PDE3A: variants seen among roughly 807,000 people sequenced by gnomAD.
The protein encoded by PDE3A is phosphodiesterase 3A.
A neutral mutation model predicts 98.3 loss-of-function variants in PDE3A; 43 were observed. That is an observed-to-expected ratio of 0.44 (90% confidence interval 0.34 to 0.56). The LOEUF is 0.56. Ranked by LOEUF, PDE3A falls within the 20% of genes least tolerant of loss-of-function variation. The pLI is 0.01. For missense variants in PDE3A, 1,427 were observed against 1,440.7 expected (o/e 0.99, Z 0.15); for synonymous variants, 663 against 567.9 (o/e 1.17, Z -2.38).
At position 20,526,884 on chromosome 12, in the gene PDE3A, CTGTGTGTGTGTGTGTGTGTG is replaced by C. The variant is rs71039949; in HGVS notation, c.961-29746_961-29727del. Among the ~76,000 whole-genome samples, 12 of 136,930 alleles carry C rather than the reference CTGTGTGTGTGTGTGTGTGTG, an allele frequency of 8.8e-5. 1 individual carries two copies. The highest frequency in any genetic ancestry group is 2.6e-4 in the South Asian group (1 of 3,898). The allele number at this position is 136,930 out of a possible 152,430, so 89.8% of individuals were successfully genotyped here. On this transcript the variant is annotated intron_variant, in intron 1 of 15. Transcript: ENST00000359062. ...TAAGGCCATTAGGAGACATTTTTTT[CTGTGTGTGTGTGTGTGTGTG>C]TGTGTGTGTGTGTGTGTGTGTGTGT...
At chr12:20,488,265 G>A (rs1945766219) in intron 1 of PDE3A, among the ~76,000 whole-genome samples, 1 of 151,992 alleles carries the variant, frequency 6.6e-6, no homozygotes, top group African/African-American at 2.4e-5. Flanking sequence ...CCTGATTGTG[G>A]AGTTTGGGGT....
At chr12:20,667,114 A>G (rs571445767) in intron 15 of PDE3A, among the ~76,000 whole-genome samples, 15 of 152,138 alleles carry the variant, frequency 9.9e-5, no homozygotes, top group Admixed American at 2.6e-4. Flanking sequence ...CCACTTTTTA[A>G]TAGAATTTTT....
intron 2 of PDE3A, among the ~76,000 whole-genome samples, chr12:20,612,531 C>G (rs986899893): frequency 7.0e-6 from 1 of 143,272 alleles, no homozygotes; most frequent in African/African-American, 2.6e-5. Context: ...ATAAAATAGT[C>G]CCTCATATTT....
At chr12:20,538,152 C>G (rs1329657485) in intron 1 of PDE3A, among the ~76,000 whole-genome samples, 1 of 152,064 alleles carries the variant, frequency 6.6e-6, no homozygotes, top group Non-Finnish European at 1.5e-5. Flanking sequence ...TTGCTGCCTA[C>G]CATTATTGCT....
intron 2 of PDE3A, among the ~76,000 whole-genome samples, chr12:20,568,141 C>T (rs1942707141): frequency 6.6e-6 from 1 of 151,888 alleles, no homozygotes; most frequent in Admixed American, 6.6e-5. Context: ...TAGAATTCAT[C>T]TAGTTTCTGT....
At chr12:20,404,871 C>A (rs1218019585) in intron 1 of PDE3A, among the ~76,000 whole-genome samples, 1 of 104,680 alleles carries the variant, frequency 9.6e-6, no homozygotes, top group Non-Finnish European at 1.8e-5. Flanking sequence ...GCATGTAAAT[C>A]CTTTCTTCAA....
At chr12:20,647,330 A>G (rs1160830729) in intron 12 of PDE3A, among the ~76,000 whole-genome samples, 1 of 152,190 alleles carries the variant, frequency 6.6e-6, no homozygotes, top group East Asian at 1.9e-4. Context: ...TATAAATACC[A>G]TTCCTTTGAA....
intron 1 of PDE3A, among the ~76,000 whole-genome samples, chr12:20,403,037 C>G (rs1363260879): frequency 6.6e-6 from 1 of 152,140 alleles, no homozygotes; most frequent in Non-Finnish European, 1.5e-5. Context: ...TCTCATTTTT[C>G]TTTCTCCTTA....
intron 1 of PDE3A, among the ~76,000 whole-genome samples, chr12:20,549,321 A>G (rs1056046563): frequency 2.0e-5 from 3 of 151,332 alleles, no homozygotes; most frequent in Admixed American, 6.6e-5. Flanking sequence ...TCTAGTGGCC[A>G]GAATGCTGTA....
intron 1 of PDE3A, among the ~76,000 whole-genome samples, chr12:20,536,707 G>C (rs1375072917): frequency 1.3e-5 from 2 of 152,212 alleles, no homozygotes; most frequent in East Asian, 3.9e-4. Flanking sequence ...GGTGAAGTAT[G>C]TATCAGTACT....
intron 1 of PDE3A, among the ~76,000 whole-genome samples, chr12:20,385,878 T>C (rs1291867971): frequency 1.4e-5 from 2 of 146,194 alleles, no homozygotes; most frequent in African/African-American, 5.1e-5. Flanking sequence ...ACATGGCACA[T>C]GTATACATAT....
Position 20,648,690 on chromosome 12 carries a change from G to T in PDE3A, c.2568G>T (p.Ala856=), listed in dbSNP as rs79204780. 3.8e-6 allele frequency: 6 copies of T among 1,596,350 alleles called. No homozygotes were observed. Among genetic ancestry groups the T allele is most frequent in the Non-Finnish European group, 5.2e-6 (6 of 1,164,164 alleles). The change falls in exon 13 of 16, where the codon GCG becomes GCT. Residue 856 remains alanine, a splice_region_variant and synonymous_variant. Coordinates refer to ENST00000359062, the MANE Select transcript of PDE3A (RefSeq NM_000921.5). The part of the protein sequence containing the change: ...AFLVATSAPQ[A]VLYNDRSVLE... The stretch of plus-strand genomic sequence containing the variant: ...TCTTAACTGTCTTATTTGCCTAGGC[G>T]GTGCTATATAACGATCGTTCAGTTT...
At chr12:20,566,793 A>T (rs1565591133) in intron 2 of PDE3A, among the ~76,000 whole-genome samples, 1 of 150,716 alleles carries the variant, frequency 6.6e-6, no homozygotes, top group African/African-American at 2.4e-5. Flanking sequence ...CGTGCAGTGA[A>T]TTTTTTTTTT....
chr12:20,557,169 G>A (rs1314900274), intron 2 of PDE3A: 1 of 159,352 alleles, frequency 6.3e-6, no homozygotes, highest in African/African-American at 2.4e-5. Context: ...AAAGATGAAA[G>A]GACCTATTAT....
chr12:20,541,564 G>T (rs1048010637), intron 1 of PDE3A, among the ~76,000 whole-genome samples: 11 of 151,928 alleles, frequency 7.2e-5, no homozygotes, highest in Admixed American at 2.0e-4. Context: ...CAATTCTAAC[G>T]ACCTCAGTTA....
chr12:20,591,161 C>G (rs1311167061), intron 2 of PDE3A, among the ~76,000 whole-genome samples: 1 of 152,206 alleles, frequency 6.6e-6, no homozygotes, highest in Admixed American at 6.5e-5. Flanking sequence ...ACCTAGGTCT[C>G]TTTTGTGTCT....
chr12:20,573,382 A>G (rs967257070), intron 2 of PDE3A, among the ~76,000 whole-genome samples: 2 of 151,240 alleles, frequency 1.3e-5, no homozygotes, highest in Non-Finnish European at 2.9e-5. Flanking sequence ...GGACAGATGA[A>G]CTTTTGGTTC....
Position 20,552,344 on chromosome 12 carries a change from G to T in PDE3A, c.961-4316G>T. On this transcript the variant is annotated intron_variant, in intron 1 of 15. Transcript: ENST00000359062. The surrounding 1 kb of genome is among the most constrained non-coding windows in gnomAD (Gnocchi z 5.1). ...TACTGGCCCGAGAAGGGGAAGTCCG[G>T]GTTTCTCGTGTGGCGCTACCTTCTG... The T allele has an allele frequency of 6.2e-7, 1 of 1,613,928 alleles. No homozygotes were observed.
chr12:20,572,711 G>A (rs914953515), intron 2 of PDE3A, among the ~76,000 whole-genome samples: 2 of 151,966 alleles, frequency 1.3e-5, no homozygotes, highest in Non-Finnish European at 2.9e-5. Context: ...CTAAACATCT[G>A]TTCAAAGAAT....
Sources: gnomAD v4.1 joint callset for allele counts (sites outside exome capture counted in the v4.1 genomes callset) on GRCh38, gnomAD v4.1.1 for gene constraint, Gnocchi (gnomAD v3.1) non-coding constraint, MANE v1.5 for transcripts, NCBI Gene and HGNC (gene_info 2026-07-23, HGNC 2026-07-21) for gene names.